Variants in NRXN3 observed in about 807,000 individuals in gnomAD.
NRXN3 encodes the protein neurexin III.
NRXN3 carries 32 observed loss-of-function variants against 137.6 expected under a neutral mutation model. The observed-to-expected ratio is 0.23, with a 90% CI of 0.18 to 0.31. The LOEUF (loss-of-function observed/expected upper bound fraction) is 0.31. Among genes scored for constraint, NRXN3 ranks in the 10% least tolerant of loss-of-function variants. The pLI is 1.00. For missense variants in NRXN3, 1,574 were observed against 2,062.5 expected (o/e 0.76, Z 4.59); for synonymous variants, 798 against 784.5 (o/e 1.02, Z -0.29).
At chr14:79,619,073 G>A (rs1369371137) in intron 16 of NRXN3, among the ~76,000 whole-genome samples, 2 of 151,854 alleles carry the variant, frequency 1.3e-5, no homozygotes, top group East Asian at 1.9e-4. Flanking sequence ...GTGTTGAATT[G>A]TTTAAGTTTC....
At chr14:79,494,968 C>T (rs991753093) in intron 16 of NRXN3, among the ~76,000 whole-genome samples, 22 of 152,198 alleles carry the variant, frequency 1.4e-4, no homozygotes, top group African/African-American at 5.3e-4. Context: ...AAAGAATTAT[C>T]TAAACGTATA....
chr14:78,246,909 G>A (rs1021297311), intron 2 of NRXN3, among the ~76,000 whole-genome samples: 4 of 152,226 alleles, frequency 2.6e-5, no homozygotes, highest in African/African-American at 7.2e-5. Flanking sequence ...AGACCAGGGG[G>A]CTTATTCCCA....
At chr14:79,492,397 G>A (rs1459175702) in intron 16 of NRXN3, among the ~76,000 whole-genome samples, 1 of 151,934 alleles carries the variant, frequency 6.6e-6, no homozygotes, top group Admixed American at 6.6e-5. Flanking sequence ...GTGGGCGGGG[G>A]ATGGGGGCAG....
chr14:79,206,860 T>C (rs1568604473), intron 15 of NRXN3, among the ~76,000 whole-genome samples: 1 of 152,160 alleles, frequency 6.6e-6, no homozygotes. Context: ...ACAATGCACA[T>C]AACCAGGAAA....
intron 10 of NRXN3, among the ~76,000 whole-genome samples, chr14:78,812,973 T>C (rs1276711679): frequency 6.6e-6 from 1 of 152,218 alleles, no homozygotes; most frequent in Non-Finnish European, 1.5e-5. Flanking sequence ...CCTTTAGAGC[T>C]AAACAATGTA....
rs116658334 is a variant in NRXN3 at position 79,318,889 on chromosome 14, C to G, written c.3263-148332C>G. On this transcript the variant is annotated intron_variant, in intron 15 of 20. Coordinates refer to ENST00000335750, the MANE Select transcript of NRXN3 (RefSeq NM_001330195.2). ...CCCATTTGCATTGGCTGCAGACTCT[C>G]TAAGTATTACTTTCCCTTCCTTGTG... Among the ~76,000 whole-genome samples the G allele has an allele frequency of 3.6e-3, 549 of 152,296 alleles. 5 individuals are homozygous for G. The highest frequency in any genetic ancestry group is 0.011 in the African/African-American group (470 of 41,568).
At chr14:79,767,502 T>A (rs2099060031) in intron 19 of NRXN3, among the ~76,000 whole-genome samples, 1 of 152,230 alleles carries the variant, frequency 6.6e-6, no homozygotes. Flanking sequence ...AAATTGTCAG[T>A]GACACATTTG....
At chr14:78,611,168 C>T (rs1004100866) in intron 4 of NRXN3, among the ~76,000 whole-genome samples, 1 of 152,154 alleles carries the variant, frequency 6.6e-6, no homozygotes, top group Non-Finnish European at 1.5e-5. Flanking sequence ...AGCTGCCCCT[C>T]ATTTAATATC....
At chr14:79,162,910 C>T (rs543195583) in intron 15 of NRXN3, among the ~76,000 whole-genome samples, 1 of 151,842 alleles carries the variant, frequency 6.6e-6, no homozygotes, top group Non-Finnish European at 1.5e-5. Flanking sequence ...TCCTCTTTTT[C>T]CTTCTACTCT....
At chr14:78,853,039 T>C (rs31353) in intron 10 of NRXN3, among the ~76,000 whole-genome samples, 4,078 of 152,272 alleles carry the variant, frequency 0.027, 75 homozygotes, top group South Asian at 0.062. Flanking sequence ...TATGGCTGAA[T>C]AGTACTCCAT....
chr14:79,308,401 G>C (rs2086508907), intron 15 of NRXN3, among the ~76,000 whole-genome samples: 1 of 152,030 alleles, frequency 6.6e-6, no homozygotes, highest in Admixed American at 6.6e-5. Flanking sequence ...ACACTTGAAG[G>C]ACTTAGGATG....
chr14:79,515,352 T>C (rs2096972620), intron 16 of NRXN3, among the ~76,000 whole-genome samples: 1 of 150,522 alleles, frequency 6.6e-6, no homozygotes, highest in East Asian at 1.9e-4. Context: ...TTATTTGTGT[T>C]CCCACGATGA....
rs145776369 is a variant in NRXN3 at position 79,492,804 on chromosome 14, A to G, written c.3444+25402A>G. On this transcript the variant is annotated intron_variant, in intron 16 of 20. Coordinates refer to ENST00000335750, the MANE Select transcript of NRXN3 (RefSeq NM_001330195.2). ...TTCCACGGCCAGATACTCTTGACTC[A>G]CTTCTATCAATCATGCATTGGAAAT... Among the ~76,000 whole-genome samples, 641 of 152,244 alleles carry G rather than the reference A, an allele frequency of 4.2e-3. 4 individuals are homozygous for G. Among genetic ancestry groups the G allele is most frequent in the Non-Finnish European group, 6.2e-3 (422 of 68,016 alleles).
intron 16 of NRXN3, among the ~76,000 whole-genome samples, chr14:79,613,220 G>T (rs1442165123): frequency 2.0e-5 from 3 of 152,246 alleles, no homozygotes; most frequent in African/African-American, 7.2e-5. Flanking sequence ...AGAAGTCTCA[G>T]ATGAAATTTC....
At chr14:78,473,738 C>G (rs951766445) in intron 4 of NRXN3, among the ~76,000 whole-genome samples, 1 of 152,208 alleles carries the variant, frequency 6.6e-6, no homozygotes, top group African/African-American at 2.4e-5. Flanking sequence ...CTGCAGTCAT[C>G]TGAAGGCTTG....
At position 78,726,991 on chromosome 14, in the gene NRXN3, G is replaced by C. The variant is rs2098487898; in HGVS notation, c.2044+11852G>C. Among the ~76,000 whole-genome samples, 3 of 143,340 alleles carry C rather than the reference G, an allele frequency of 2.1e-5. No individual in the cohort carries two copies. In the South Asian group the frequency reaches 6.7e-4, roughly 32 times the overall value. 94.0% of individuals were successfully genotyped at this position (143,340 alleles called of 152,430 possible). A position where few individuals can be genotyped will look rare whatever the true frequency, so the allele number is the denominator to read the frequency against. On this transcript the variant is annotated intron_variant, in intron 8 of 20. Coordinates refer to ENST00000335750, the MANE Select transcript of NRXN3 (RefSeq NM_001330195.2). ...AAAAAAAAAAAAACCTTCACTAGGT[G>C]CTTATCATGCCATGGATCCTAGAGA...
chr14:78,431,784 A>T (rs551650825), intron 4 of NRXN3, among the ~76,000 whole-genome samples: 1 of 152,298 alleles, frequency 6.6e-6, no homozygotes, highest in African/African-American at 2.4e-5. Flanking sequence ...CTTAACTCTC[A>T]TTGCATGCTT....
chr14:78,407,893 G>C (rs2092589182), intron 4 of NRXN3, among the ~76,000 whole-genome samples: 1 of 152,136 alleles, frequency 6.6e-6, no homozygotes, highest in African/African-American at 2.4e-5. Flanking sequence ...CTGCTTTACT[G>C]TGCATGGGAT....
At chr14:78,396,578 G>A (rs1555506450) in intron 4 of NRXN3, among the ~76,000 whole-genome samples, 1 of 152,154 alleles carries the variant, frequency 6.6e-6, no homozygotes, top group Non-Finnish European at 1.5e-5. Context: ...CCTAATTCCT[G>A]AAGGACATTT....
Sources: gnomAD v4.1 joint callset for allele counts (sites outside exome capture counted in the v4.1 genomes callset) on GRCh38, gnomAD v4.1.1 for gene constraint, MANE v1.5 for transcripts, NCBI Gene and HGNC (gene_info 2026-07-23, HGNC 2026-07-21) for gene names.